LONP2: variants seen among roughly 807,000 people sequenced by gnomAD.
The protein encoded by LONP2 is lon protease homolog 2, peroxisomal.
Under a neutral mutation model 85.6 loss-of-function variants are expected in LONP2, and 60 were observed. The ratio of observed to expected loss-of-function variants is 0.70; its 90% CI spans 0.57 to 0.87. LONP2 has a LOEUF of 0.87. LONP2 is among the 40% of genes least tolerant of loss of function. The pLI is 0.00. For synonymous variants in LONP2, 395 were observed against 389.7 expected (o/e 1.01, Z -0.16); for missense variants, 860 against 1,063.5 (o/e 0.81, Z 2.66).
chr16:48,301,617 A>G (rs909590093), intron 10 of LONP2, among the ~76,000 whole-genome samples: 7 of 152,074 alleles, frequency 4.6e-5, no homozygotes, highest in Non-Finnish European at 1.0e-4. Flanking sequence ...CCTGGGCAAC[A>G]GAGTGAGACT....
intron 11 of LONP2, among the ~76,000 whole-genome samples, chr16:48,310,346 A>AT (rs1038088290): frequency 3.4e-4 from 49 of 144,486 alleles, no homozygotes; most frequent in Admixed American, 1.2e-3. Flanking sequence ...TGCTTTGTAG[A>AT]TTTTTTTTTT....
chr16:48,275,372 G>GAACA (rs1555478513), intron 7 of LONP2, among the ~76,000 whole-genome samples: 1 of 152,082 alleles, frequency 6.6e-6, no homozygotes, highest in Admixed American at 6.6e-5. Flanking sequence ...ATCTGGTGGG[G>GAACA]AACAATCTTA....
chr16:48,320,208 A>T (rs2151014728), intron 11 of LONP2, among the ~76,000 whole-genome samples: 1 of 151,092 alleles, frequency 6.6e-6, no homozygotes, highest in African/African-American at 2.4e-5. Context: ...ATTGAAGTTT[A>T]TACTGTAGAA....
intron 9 of LONP2, among the ~76,000 whole-genome samples, chr16:48,298,913 T>C (rs1274903234): frequency 6.6e-6 from 1 of 151,820 alleles, no homozygotes; most frequent in Non-Finnish European, 1.5e-5. Context: ...TTTTTTTTTT[T>C]GGAGGCAGTC....
chr16:48,307,654 A>T (rs184530705), intron 11 of LONP2, among the ~76,000 whole-genome samples: 2 of 138,492 alleles, frequency 1.4e-5, no homozygotes, highest in Non-Finnish European at 3.4e-5. Flanking sequence ...CTGGGTAGAT[A>T]CTAGTTTCTG....
At chr16:48,319,282 G>A (rs906499581) in intron 11 of LONP2, among the ~76,000 whole-genome samples, 3 of 152,046 alleles carry the variant, frequency 2.0e-5, no homozygotes, top group Non-Finnish European at 2.9e-5. Flanking sequence ...TTGGGAGGGT[G>A]AGGCAGGAGA....
intron 14 of LONP2, among the ~76,000 whole-genome samples, chr16:48,351,177 A>AC (rs1369692922): frequency 3.3e-5 from 5 of 152,244 alleles, no homozygotes; most frequent in African/African-American, 4.8e-5. Flanking sequence ...GAGGGAAGTA[A>AC]CCCCAGCACA....
intron 9 of LONP2, among the ~76,000 whole-genome samples, 153 bp downstream of exon 9, chr16:48,296,318 A>G (rs1223930798): frequency 6.6e-6 from 1 of 152,276 alleles, no homozygotes; most frequent in East Asian, 1.9e-4. Flanking sequence ...GTTTCTATGT[A>G]GCTTCAAAGT....
intron 5 of LONP2, 81 bp downstream of exon 5, chr16:48,261,668 C>G (rs1248288714): frequency 1.5e-5 from 16 of 1,060,774 alleles, no homozygotes; most frequent in Middle Eastern, 2.2e-4. Context: ...ACTCTTTTCT[C>G]CAATACTGAG....
intron 6 of LONP2, among the ~76,000 whole-genome samples, chr16:48,266,347 T>C (rs1217280170): frequency 1.3e-5 from 2 of 151,932 alleles, no homozygotes; most frequent in Admixed American, 1.3e-4. Flanking sequence ...TTTTTGAGCT[T>C]TATTGAAGTG....
At chr16:48,280,895 T>G (rs1164932625) in intron 8 of LONP2, among the ~76,000 whole-genome samples, 2 of 152,200 alleles carry the variant, frequency 1.3e-5, no homozygotes, top group Non-Finnish European at 2.9e-5. Context: ...CACTGATATT[T>G]CTTCTGTGTC....
intron 8 of LONP2, among the ~76,000 whole-genome samples, chr16:48,288,358 T>C (rs1252510709): frequency 6.6e-6 from 1 of 152,066 alleles, no homozygotes; most frequent in African/African-American, 2.4e-5. Context: ...TTTCACCATG[T>C]TGGTTAGGCT....
At chr16:48,347,789 C>A in intron 13 of LONP2, 75 bp downstream of exon 13, 2 of 1,357,930 alleles carry the variant, frequency 1.5e-6, no homozygotes, top group East Asian at 2.5e-5. Context: ...GGCATGAGCT[C>A]GAGACTGCCA....
At chr16:48,330,294 G>A (rs796886627) in intron 11 of LONP2, among the ~76,000 whole-genome samples, 36 of 152,366 alleles carry the variant, frequency 2.4e-4, no homozygotes, top group African/African-American at 8.4e-4. Context: ...CACAATTCCA[G>A]TGGGAAGGAC....
chr16:48,333,460 C>G (rs758930599), intron 11 of LONP2, among the ~76,000 whole-genome samples: 4 of 152,088 alleles, frequency 2.6e-5, no homozygotes, highest in African/African-American at 9.7e-5. Context: ...AAAAGAGGCA[C>G]TGCTTATATG....
chr16:48,250,231 C>G (rs1567306418), intron 1 of LONP2, among the ~76,000 whole-genome samples: 1 of 151,872 alleles, frequency 6.6e-6, no homozygotes, highest in Non-Finnish European at 1.5e-5. Context: ...ACCTGTAATC[C>G]CAGCACTTTG....
rs1960306875 is a variant in LONP2, at chr16:48,355,472, A to T, written c.*3670A>T. On this transcript the variant is annotated 3_prime_UTR_variant, in exon 15 of 15. Transcript: ENST00000285737. ...TGATCGTGGGCTTCTCAGTCTTCAC[A>T]ACTATGAGAAATAAATTCGTACTTT... The T allele has an allele frequency of 6.6e-6, 1 of 152,224 alleles. No homozygotes were observed. The highest frequency in any genetic ancestry group is 2.4e-5 in the African/African-American group (1 of 41,456). 9.4% of individuals were successfully genotyped at this position (152,224 alleles called of 1,614,324 possible). A position where few individuals can be genotyped will look rare whatever the true frequency, so the allele number is the denominator to read the frequency against.
rs368558019 is a variant in LONP2, at chr16:48,244,493, G to A, written c.105G>A (p.Ser35=). The change falls in exon 1 of 15, where the codon TCG becomes TCA. Residue 35 remains serine, a synonymous_variant. Coordinates refer to ENST00000285737, the MANE Select transcript of LONP2 (RefSeq NM_031490.5). The part of the protein sequence containing the change: ...PGSTMRTSVD[S]ARNLQLVRSR... ...CCACCATGCGCACCAGCGTGGACTC[G>A]GCCCGCAACCTGCAGCTGGTGCGGA... The A allele has an allele frequency of 1.0e-5, 16 of 1,599,006 alleles. No homozygotes were observed. Among genetic ancestry groups the A allele is most frequent in the Non-Finnish European group, 1.1e-5 (13 of 1,176,602 alleles).
intron 11 of LONP2, among the ~76,000 whole-genome samples, chr16:48,326,039 C>T (rs190275017): frequency 1.3e-5 from 2 of 152,312 alleles, no homozygotes; most frequent in Non-Finnish European, 2.9e-5. Context: ...TAAACTGGGT[C>T]TCTCTTTCCT....
Sources: gnomAD v4.1 joint callset for allele counts (sites outside exome capture counted in the v4.1 genomes callset) on GRCh38, gnomAD v4.1.1 for gene constraint, MANE v1.5 for transcripts, NCBI Gene and HGNC (gene_info 2026-07-23, HGNC 2026-07-21) for gene names.